PLXNA2: variants seen among roughly 807,000 people sequenced by gnomAD.
PLXNA2 encodes plexin A2, also known as plexin-A2.
In PLXNA2, 91 loss-of-function variants were observed where a neutral mutation model predicts 193.5. That is an observed-to-expected ratio of 0.47 (90% CI 0.40 to 0.56). The LOEUF (loss-of-function observed/expected upper bound fraction) is 0.56. Among genes scored for constraint, PLXNA2 ranks in the 20% least tolerant of loss-of-function variants. The pLI is 0.00. For synonymous variants in PLXNA2, 997 were observed against 1,027.3 expected (o/e 0.97, Z 0.56); for missense variants, 1,995 against 2,503.2 (o/e 0.80, Z 4.33).
rs536375661 is a variant in PLXNA2 at position 208,022,330 on chromosome 1, G to C, written c.*4913C>G. The C allele has an allele frequency of 6.6e-6, 1 of 152,174 alleles. No homozygotes were observed. Among genetic ancestry groups the C allele is most frequent in the Non-Finnish European group, 1.5e-5 (1 of 67,956 alleles). 9.4% of individuals were successfully genotyped at this position (152,174 alleles called of 1,614,324 possible). ...AATTGTGTCCTCAGCTTGCAAAATA[G>C]GAGTGTTTCATATTTACAATAGGTA... On this transcript the variant is annotated 3_prime_UTR_variant, in exon 32 of 32. Coordinates refer to ENST00000367033, the MANE Select transcript of PLXNA2 (RefSeq NM_025179.4).
chr1:208,026,652 CTTTTTTTT>C lies in PLXNA2; in HGVS notation c.*583_*590del, dbSNP rs34577290. The C allele has an allele frequency of 7.1e-6, 1 of 140,814 alleles. No individual in the cohort carries two copies. The highest frequency in any genetic ancestry group is 1.5e-5 in the Non-Finnish European group (1 of 65,220). 8.7% of individuals were successfully genotyped at this position (140,814 alleles called of 1,614,324 possible). ...TCATCATTCTTCTTCTCCTCTTTCT[CTTTTTTTT>C]TTTTTTTTTAATTTCAAGGAAAAGG... On this transcript the variant is annotated 3_prime_UTR_variant, in exon 32 of 32. Transcript: ENST00000367033.
Position 208,051,123 on chromosome 1 carries a change from G to T in PLXNA2, c.3162-21C>A, listed in dbSNP as rs190463140. ...GGCCACTGAAAACAGGCAGAGGCTC[G>T]GTTAGGTAAAAAACCCCCTCAAATC... On this transcript the variant is annotated intron_variant, in intron 16 of 31. Transcript: ENST00000367033. 1.7e-4 allele frequency: 275 copies of T among 1,607,608 alleles called. 2 individuals carry two copies. The highest frequency in any genetic ancestry group is 1.5e-3 in the Middle Eastern group (9 of 6,052).
At chr1:208,053,216 T>C (rs946640172) in intron 14 of PLXNA2, among the ~76,000 whole-genome samples, 4 of 152,236 alleles carry the variant, frequency 2.6e-5, no homozygotes, top group East Asian at 3.8e-4. Flanking sequence ...GCATGAATTC[T>C]AGTTTGCATC....
intron 3 of PLXNA2, among the ~76,000 whole-genome samples, chr1:208,174,356 G>A (rs547162217): frequency 6.6e-6 from 1 of 151,360 alleles, no homozygotes; most frequent in African/African-American, 2.4e-5. Context: ...TTGCAGAGGC[G>A]CCTGGGGGAG....
At chr1:208,163,577 A>T (rs1264763858) in intron 3 of PLXNA2, among the ~76,000 whole-genome samples, 1 of 152,188 alleles carries the variant, frequency 6.6e-6, no homozygotes, top group Non-Finnish European at 1.5e-5. Context: ...AACTGTGCAT[A>T]TTAGGGATGA....
Position 208,101,054 on chromosome 1 carries a change from T to C in PLXNA2, c.1608-2085A>G, listed in dbSNP as rs140375310. On this transcript the variant is annotated intron_variant, in intron 5 of 31. Coordinates refer to ENST00000367033, the MANE Select transcript of PLXNA2 (RefSeq NM_025179.4). ...TGAATGCTGTCAAAGAAAAGAATTA[T>C]TGAGGTTTAAGTGAATCCTTAAGAT... Among the ~76,000 whole-genome samples the C allele has an allele frequency of 1.9e-3, 286 of 152,358 alleles. 3 individuals carry two copies. Among genetic ancestry groups the C allele is most frequent in the African/African-American group, 5.3e-3 (221 of 41,584 alleles).
chr1:208,234,032 C>T (rs984698164), intron 1 of PLXNA2, among the ~76,000 whole-genome samples: 1 of 152,050 alleles, frequency 6.6e-6, no homozygotes, highest in African/African-American at 2.4e-5. Flanking sequence ...CCTGTCTGCT[C>T]TAAACCAAGG....
At chr1:208,083,821 C>T (rs1481461161) in intron 10 of PLXNA2, among the ~76,000 whole-genome samples, 1 of 152,084 alleles carries the variant, frequency 6.6e-6, no homozygotes. Context: ...CTACCCCTCC[C>T]CTCCCACCTC....
Position 208,039,693 on chromosome 1 carries a change from G to A in PLXNA2, c.4428C>T (p.Ala1476=), listed in dbSNP as rs1471237980. 1 of 1,614,218 alleles carries A rather than the reference G, an allele frequency of 6.2e-7. No individual in the cohort carries two copies. Among genetic ancestry groups the A allele is most frequent in the Non-Finnish European group, 8.5e-7 (1 of 1,180,044 alleles). The change falls in exon 24 of 32, where the codon GCC becomes GCT. Residue 1476 remains alanine, a synonymous_variant. Coordinates refer to ENST00000367033, the MANE Select transcript of PLXNA2 (RefSeq NM_025179.4). ...KQQMEKGPID[A]ITGEARYSLS... ...GGGAGTAGCGGGCCTCGCCCGTGAT[G>A]GCATCAATGGGGCCCTTCTCCATCT...
chr1:208,170,181 G>A (rs558529148), intron 3 of PLXNA2, among the ~76,000 whole-genome samples: 3 of 152,228 alleles, frequency 2.0e-5, no homozygotes, highest in Non-Finnish European at 4.4e-5. Flanking sequence ...TTTTCTTTCC[G>A]CTAATAACTT....
intron 4 of PLXNA2, among the ~76,000 whole-genome samples, chr1:208,107,825 T>C (rs1488465397): frequency 6.6e-6 from 1 of 152,112 alleles, no homozygotes; most frequent in Non-Finnish European, 1.5e-5. Flanking sequence ...ATGGGAATTA[T>C]ACAATGGGAG....
At chr1:208,241,997 A>G (rs1047299143) in intron 1 of PLXNA2, among the ~76,000 whole-genome samples, 5 of 152,182 alleles carry the variant, frequency 3.3e-5, no homozygotes, top group Middle Eastern at 6.3e-3. Flanking sequence ...TAATTAGTTC[A>G]AATGGTGCTC....
At chr1:208,193,993 CTA>C (rs34381402) in intron 3 of PLXNA2, among the ~76,000 whole-genome samples, 23,665 of 151,700 alleles carry the variant, frequency 0.16, 2,446 homozygotes, top group Non-Finnish European at 0.24. Flanking sequence ...GATCATTCAC[CTA>C]TGAGTCCTGG....
chr1:208,231,720 C>T (rs147695307), intron 1 of PLXNA2, among the ~76,000 whole-genome samples: 16 of 152,332 alleles, frequency 1.1e-4, no homozygotes, highest in African/African-American at 3.4e-4. Flanking sequence ...GAGCAGCATA[C>T]GCATCACCAG....
intron 4 of PLXNA2, among the ~76,000 whole-genome samples, chr1:208,141,254 C>A (rs1473997659): frequency 1.3e-5 from 2 of 152,204 alleles, no homozygotes; most frequent in Admixed American, 1.3e-4. Context: ...TTCCTTACTT[C>A]TTCGCTCATC....
intron 9 of PLXNA2, among the ~76,000 whole-genome samples, chr1:208,091,059 G>T (rs572867092): frequency 2.2e-4 from 33 of 152,310 alleles, no homozygotes; most frequent in Admixed American, 1.6e-3. Flanking sequence ...CTGGTGTAGG[G>T]TTTTTAGGCC....
intron 3 of PLXNA2, among the ~76,000 whole-genome samples, chr1:208,152,683 GCACACACACACACA>G (rs56051287): frequency 2.9e-5 from 4 of 140,264 alleles, no homozygotes; most frequent in Non-Finnish European, 6.1e-5. Flanking sequence ...ACACACACAC[GCACACACACACACA>G]CACACACACA....
chr1:208,065,586 T>C (rs1188481046), intron 12 of PLXNA2, among the ~76,000 whole-genome samples: 1 of 152,140 alleles, frequency 6.6e-6, no homozygotes, highest in Non-Finnish European at 1.5e-5. Context: ...ATGTTAGAAT[T>C]GGCAGGGTTA....
At chr1:208,069,132 G>C (rs1469828169) in intron 12 of PLXNA2, among the ~76,000 whole-genome samples, 1 of 152,200 alleles carries the variant, frequency 6.6e-6, no homozygotes, top group Non-Finnish European at 1.5e-5. Flanking sequence ...AAGCCAGGAA[G>C]ACTAGGTCAG....
Sources: gnomAD v4.1 joint callset for allele counts (sites outside exome capture counted in the v4.1 genomes callset) on GRCh38, gnomAD v4.1.1 for gene constraint, MANE v1.5 for transcripts, NCBI Gene and HGNC (gene_info 2026-07-23, HGNC 2026-07-21) for gene names.